Variants in KCNQ1 observed in about 807,000 individuals in gnomAD.
The protein encoded by KCNQ1 is potassium voltage-gated channel subfamily Q member 1, also known as potassium voltage-gated channel subfamily KQT member 1.
KCNQ1 carries 49 observed loss-of-function variants against 72.4 expected under a neutral mutation model. The observed-to-expected ratio is 0.68, with a 90% CI of 0.54 to 0.86. The LOEUF is 0.86. Ranked by LOEUF, KCNQ1 falls within the 40% of genes least tolerant of loss-of-function variation. The pLI is 0.00. For synonymous variants in KCNQ1, 450 were observed against 412.6 expected (o/e 1.09, Z -1.10); for missense variants, 790 against 945.1 (o/e 0.84, Z 2.15).
At chr11:2,528,118 C>T in intron 2 of KCNQ1, 100 bp downstream of exon 2, 1 of 1,014,288 alleles carries the variant, frequency 9.9e-7, no homozygotes, top group South Asian at 1.3e-5. Flanking sequence ...GAGCCACTCC[C>T]AGCCCCTTGC....
chr11:2,703,786 G>A lies in KCNQ1; in HGVS notation c.1514+41705G>A, dbSNP rs1342810425. ...AGGCCCTGGCCAAGGAGTTCTGTGGGCCTCAATTCTCTCCCTACCCTGCCC... is the reference window on the plus strand; with the variant it reads ...AGGCCCTGGCCAAGGAGTTCTGTGGACCTCAATTCTCTCCCTACCCTGCCC... On this transcript the variant is annotated intron_variant, in intron 11 of 15. Transcript: ENST00000155840. The surrounding 1 kb of genome is among the most constrained non-coding windows in gnomAD (Gnocchi z 6.4). Among the ~76,000 whole-genome samples, 1 of 152,206 alleles carries A rather than the reference G, an allele frequency of 6.6e-6. No individual in the cohort carries two copies. Among genetic ancestry groups the A allele is most frequent in the Non-Finnish European group, 1.5e-5 (1 of 68,034 alleles).
At chr11:2,460,025 G>A (rs1217882878) in intron 1 of KCNQ1, among the ~76,000 whole-genome samples, 1 of 152,216 alleles carries the variant, frequency 6.6e-6, no homozygotes, top group Non-Finnish European at 1.5e-5. Flanking sequence ...CCCAGTGCAG[G>A]TGTGGAAGCT....
At chr11:2,656,113 T>C (rs1175641157) in intron 10 of KCNQ1, 1 of 398,556 alleles carries the variant, frequency 2.5e-6, no homozygotes, top group Non-Finnish European at 4.4e-6. Context: ...CAACTCTACG[T>C]TCTAGCCTGT....
chr11:2,733,279 TC>T (rs1845883836), intron 11 of KCNQ1, among the ~76,000 whole-genome samples: 1 of 141,698 alleles, frequency 7.1e-6, no homozygotes, highest in Non-Finnish European at 1.5e-5. Flanking sequence ...AGGGGCATCC[TC>T]CATCAGCACT....
intron 2 of KCNQ1, among the ~76,000 whole-genome samples, chr11:2,551,783 C>A (rs1200594794): frequency 1.3e-5 from 2 of 152,236 alleles, no homozygotes; most frequent in African/African-American, 4.8e-5. Flanking sequence ...GCTTTTTAAG[C>A]TTTGCCCATC....
intron 6 of KCNQ1, among the ~76,000 whole-genome samples, chr11:2,578,033 G>C (rs11023355): frequency 0.17 from 26,068 of 152,246 alleles, 2,878 homozygotes; most frequent in Non-Finnish European, 0.25. Context: ...CTGCATGGGG[G>C]GAGCCCACCA....
Position 2,711,525 on chromosome 11 carries a change from C to A in KCNQ1, c.1514+49444C>A, listed in dbSNP as rs539266016. On this transcript the variant is annotated intron_variant, in intron 11 of 15. Transcript: ENST00000155840. The surrounding 1 kb of genome is among the most constrained non-coding windows in gnomAD (Gnocchi z 5.4). ...TGGCAGCTTGTGGAATCTTCTCAAC[C>A]TTGGGTGTCGCCTGCCCAGAACGGG... 1.6e-4 allele frequency among the ~76,000 whole-genome samples: 25 copies of A among 152,236 alleles called. No homozygotes were observed. In the South Asian group the frequency reaches 4.6e-3, roughly 28 times the overall value.
At position 2,462,096 on chromosome 11, in the gene KCNQ1, A is replaced by T. The variant is rs944577244; in HGVS notation, c.386+16612A>T. 3 of 288,006 alleles carry T rather than the reference A, an allele frequency of 1.0e-5. No homozygotes were observed. Among genetic ancestry groups the T allele is most frequent in the Admixed American group, 8.8e-5 (2 of 22,640 alleles). 17.8% of individuals were successfully genotyped at this position (288,006 alleles called of 1,614,324 possible). A position where few individuals can be genotyped will look rare whatever the true frequency, so the allele number is the denominator to read the frequency against. On this transcript the variant is annotated intron_variant, in intron 1 of 15. Coordinates refer to ENST00000155840, the MANE Select transcript of KCNQ1 (RefSeq NM_000218.3). This position sits in a 1 kb window ranked among gnomAD's most constrained non-coding sequence, Gnocchi z 8.2. ...GCCCCACTGTGTCTTTCTGGGATTC[A>T]CAAGAATCCTTCCCTGGGCTGAGGG... is the stretch of plus-strand genomic sequence containing the variant.
rs1296802542 is a variant in KCNQ1 at position 2,566,741 on chromosome 11, G to T, written c.478-3887G>T. Reference sequence around the variant, plus strand: ...GGGCCGCACTCCATCAGCATCCCGGGCCATTGCATCCTTGACCCCGGGGGG... The same window carrying T: ...GGGCCGCACTCCATCAGCATCCCGGTCCATTGCATCCTTGACCCCGGGGGG... On this transcript the variant is annotated intron_variant, in intron 2 of 15. Coordinates refer to ENST00000155840, the MANE Select transcript of KCNQ1 (RefSeq NM_000218.3). The surrounding 1 kb of genome is among the most constrained non-coding windows in gnomAD (Gnocchi z 6.7). 6.6e-6 allele frequency among the ~76,000 whole-genome samples: 1 copy of T among 152,150 alleles called. No individual in the cohort carries two copies. The highest frequency in any genetic ancestry group is 1.9e-4 in the East Asian group (1 of 5,192).
In KCNQ1 at chr11:2,463,508, G is replaced by A. The variant is rs1846308363; in HGVS notation, c.386+18024G>A. Among the ~76,000 whole-genome samples the A allele has an allele frequency of 6.6e-6, 1 of 152,192 alleles. No individual in the cohort carries two copies. Among genetic ancestry groups the A allele is most frequent in the Middle Eastern group, 3.2e-3 (1 of 316 alleles). On this transcript the variant is annotated intron_variant, in intron 1 of 15. Coordinates refer to ENST00000155840, the MANE Select transcript of KCNQ1 (RefSeq NM_000218.3). This position sits in a 1 kb window ranked among gnomAD's most constrained non-coding sequence, Gnocchi z 7.0. ...TAGCCTTCCTGGCTTCGGTCCCCTGGACAGGCTCCACCTCCCTCTTATCGT... is the reference window on the plus strand; with the variant it reads ...TAGCCTTCCTGGCTTCGGTCCCCTGAACAGGCTCCACCTCCCTCTTATCGT...
At position 2,656,882 on chromosome 11, in the gene KCNQ1, A is replaced by C. The variant is rs546909361; in HGVS notation, c.1394-5079A>C. On this transcript the variant is annotated intron_variant, in intron 10 of 15. Coordinates refer to ENST00000155840, the MANE Select transcript of KCNQ1 (RefSeq NM_000218.3). ...GTCTTCAATCCCCTAGAATGACAAG[A>C]ATGAATTTTTGGTATATGATGTGAG... The C allele has an allele frequency of 1.0e-5, 4 of 398,614 alleles. No homozygotes were observed. The South Asian group carries it at 5.1e-4, about 51-fold the overall frequency. 24.7% of individuals were successfully genotyped at this position (398,614 alleles called of 1,614,324 possible).
chr11:2,596,482 A>G (rs1470856803), intron 10 of KCNQ1, among the ~76,000 whole-genome samples: 1 of 152,174 alleles, frequency 6.6e-6, no homozygotes, highest in Non-Finnish European at 1.5e-5. Flanking sequence ...AAGTTGTAGT[A>G]TATTCCTAAA....
chr11:2,731,900 C>T (rs1845864270), intron 11 of KCNQ1, among the ~76,000 whole-genome samples: 1 of 152,228 alleles, frequency 6.6e-6, no homozygotes, highest in African/African-American at 2.4e-5. Context: ...ATTCTGAGGG[C>T]CCTTTGGATG....
At chr11:2,837,094 G>A (rs536647104) in intron 15 of KCNQ1, among the ~76,000 whole-genome samples, 95 of 152,174 alleles carry the variant, frequency 6.2e-4, no homozygotes, top group Non-Finnish European at 1.2e-3. Context: ...GATGGGGCAC[G>A]TAGGGCGGAG....
intron 10 of KCNQ1, chr11:2,630,922 G>C (rs941945798): frequency 1.8e-5 from 7 of 398,378 alleles, no homozygotes; most frequent in African/African-American, 1.4e-4. Flanking sequence ...TCCTGGCCTG[G>C]AAAGTTTTTG....
intron 11 of KCNQ1, among the ~76,000 whole-genome samples, chr11:2,717,035 C>G (rs1213709732): frequency 2.0e-5 from 3 of 152,218 alleles, no homozygotes; most frequent in African/African-American, 7.2e-5. Context: ...GAGTGACAAA[C>G]AGCCCCCCAG....
intron 10 of KCNQ1, chr11:2,619,043 A>C: frequency 2.5e-6 from 1 of 398,450 alleles, no homozygotes; most frequent in Non-Finnish European, 4.4e-6. Flanking sequence ...AACTTTACTG[A>C]ACTCATTTAT....
chr11:2,664,249 G>T lies in KCNQ1; in HGVS notation c.1514+2168G>T, dbSNP rs1204832710. The T allele has an allele frequency of 2.5e-5, 10 of 398,960 alleles. No homozygotes were observed. The highest frequency in any genetic ancestry group is 1.2e-3 in the Middle Eastern group (2 of 1,612). 24.7% of individuals were successfully genotyped at this position (398,960 alleles called of 1,614,324 possible). A position where few individuals can be genotyped will look rare whatever the true frequency, so the allele number is the denominator to read the frequency against. On this transcript the variant is annotated intron_variant, in intron 11 of 15. Transcript: ENST00000155840. This position sits in a 1 kb window ranked among gnomAD's most constrained non-coding sequence, Gnocchi z 5.1. ...GGGTGAGGGATCTGAAGAGGGGACT[G>T]GGAGAGGGAAAAACAAGGAGGTTGC...
rs528907310 is a variant in KCNQ1 at position 2,677,410 on chromosome 11, T to C, written c.1514+15329T>C. ...ACCAAGATCGATGCCTAGATAAGCA[T>C]TTCAGAGGACAGCAGGGGAGATGAT... On this transcript the variant is annotated intron_variant, in intron 11 of 15. Transcript: ENST00000155840. The surrounding 1 kb of genome is among the most constrained non-coding windows in gnomAD (Gnocchi z 4.5). The C allele has an allele frequency of 4.0e-5, 16 of 398,592 alleles. No homozygotes were observed. In the South Asian group the frequency reaches 2.0e-3, roughly 51 times the overall value. 24.7% of individuals were successfully genotyped at this position (398,592 alleles called of 1,614,324 possible).
Sources: allele counts gnomAD v4.1 joint callset (sites outside exome capture counted in the v4.1 genomes callset), GRCh38; gene constraint gnomAD v4.1.1; non-coding constraint Gnocchi (gnomAD v3.1); transcripts MANE v1.5; gene names NCBI Gene and HGNC (gene_info 2026-07-23, HGNC 2026-07-21).